Variants in PSPC1 observed in about 807,000 individuals in gnomAD.
PSPC1 encodes the protein paraspeckle protein 1.
PSPC1 carries 14 observed loss-of-function variants against 51.6 expected under a neutral mutation model. The observed-to-expected ratio is 0.27, with a 90% CI of 0.18 to 0.42. The LOEUF (loss-of-function observed/expected upper bound fraction) is 0.42, where lower values mean the gene tolerates loss of function less well. Among genes scored for constraint, PSPC1 ranks in the 10% least tolerant of loss-of-function variants. PSPC1 has a pLI of 1.00. For missense variants in PSPC1, 406 were observed against 701.1 expected, an observed-to-expected ratio of 0.58 and a Z score of 4.75; for synonymous variants, 193 against 231.9, an observed-to-expected ratio of 0.83 and a Z score of 1.53.
At chr13:19,693,807 C>T (rs1197324936) in intron 6 of PSPC1, among the ~76,000 whole-genome samples, 1 of 152,100 alleles carries the variant, frequency 6.6e-6, no homozygotes, top group Non-Finnish European at 1.5e-5. Context: ...ATTAATCTCA[C>T]ACTGACACTT....
chr13:19,756,905 G>A (rs963354116), intron 3 of PSPC1, among the ~76,000 whole-genome samples: 12 of 151,924 alleles, frequency 7.9e-5, no homozygotes, highest in East Asian at 2.0e-4. Flanking sequence ...CAAGGCAGGC[G>A]GATCACAAGG....
intron 6 of PSPC1, among the ~76,000 whole-genome samples, chr13:19,711,657 A>AG (rs1365055799): frequency 6.0e-5 from 9 of 150,062 alleles, no homozygotes; most frequent in African/African-American, 1.2e-4. Context: ...AAAAAAAAAA[A>AG]AAAAGAAACC....
downstream of PSPC1, chr13:19,672,011 G>A (rs1876158066): frequency 1.2e-6 from 1 of 857,084 alleles, no homozygotes; most frequent in Non-Finnish European, 1.9e-6. Flanking sequence ...GTTGTCTGTT[G>A]TAGTCTGTAA....
chr13:19,677,406 G>T (rs1369563133), intron 7 of PSPC1, among the ~76,000 whole-genome samples: 1 of 151,814 alleles, frequency 6.6e-6, no homozygotes, highest in Non-Finnish European at 1.5e-5. Flanking sequence ...TCCCCTCTTA[G>T]TCCAGTTTTA....
At chr13:19,746,755 AT>A (rs1426214470) in intron 4 of PSPC1, among the ~76,000 whole-genome samples, 4 of 152,180 alleles carry the variant, frequency 2.6e-5, no homozygotes, top group Non-Finnish European at 5.9e-5. Context: ...GGACTAAATA[AT>A]TATCAGTAAA....
chr13:19,694,650 T>G (rs1478128656), intron 6 of PSPC1, among the ~76,000 whole-genome samples: 1 of 152,212 alleles, frequency 6.6e-6, no homozygotes, highest in Non-Finnish European at 1.5e-5. Flanking sequence ...TGCTTAATAT[T>G]CTATCAATAA....
At chr13:19,727,049 T>C (rs1366735328) in intron 6 of PSPC1, among the ~76,000 whole-genome samples, 1 of 152,238 alleles carries the variant, frequency 6.6e-6, no homozygotes, top group Admixed American at 6.5e-5. Context: ...TATGAAGAAT[T>C]ATTCTTTTCT....
At chr13:19,780,272 G>A (rs1425463086) in intron 1 of PSPC1, among the ~76,000 whole-genome samples, 36 of 140,444 alleles carry the variant, frequency 2.6e-4, no homozygotes, top group South Asian at 7.2e-4. Flanking sequence ...TGGGAAGTGA[G>A]GAGCCCCTCT....
chr13:19,701,988 T>C (rs867879772), downstream of PSPC1, among the ~76,000 whole-genome samples: 3 of 152,216 alleles, frequency 2.0e-5, 1 homozygote, highest in Non-Finnish European at 4.4e-5. Context: ...CTCCCTAGTA[T>C]TGAAAATCAA....
intron 4 of PSPC1, among the ~76,000 whole-genome samples, chr13:19,746,038 G>C (rs1885944250): frequency 7.1e-6 from 1 of 140,844 alleles, no homozygotes; most frequent in African/African-American, 2.6e-5. Flanking sequence ...ACGGAGTCTC[G>C]CTCTGTCGCC....
chr13:19,705,363 C>T (rs150347064), intron 8 of PSPC1, among the ~76,000 whole-genome samples: 933 of 152,220 alleles, frequency 6.1e-3, no homozygotes, highest in Non-Finnish European at 9.3e-3. Flanking sequence ...CGTGGTGGCG[C>T]ACGCCTGTAG....
intron 4 of PSPC1, among the ~76,000 whole-genome samples, chr13:19,745,489 G>A (rs867772346): frequency 1.1e-4 from 17 of 152,114 alleles, no homozygotes; most frequent in Middle Eastern, 6.8e-3. Context: ...ATTTAAAATT[G>A]CACAAGTCAT....
At chr13:19,673,549 A>G (rs1276779113), downstream of PSPC1, 4 of 181,946 alleles carry the variant, frequency 2.2e-5, no homozygotes, top group Non-Finnish European at 4.6e-5. Context: ...ACTAAATTGA[A>G]TCATGTAGTA....
intron 4 of PSPC1, among the ~76,000 whole-genome samples, chr13:19,744,581 T>C (rs1885766028): frequency 6.6e-6 from 1 of 151,942 alleles, no homozygotes; most frequent in African/African-American, 2.4e-5. Flanking sequence ...TTTCTTTTTT[T>C]TGAGACAGAG....
chr13:19,771,373 G>A (rs1281415748), intron 2 of PSPC1, among the ~76,000 whole-genome samples: 2 of 152,084 alleles, frequency 1.3e-5, no homozygotes, highest in African/African-American at 4.8e-5. Context: ...CCTGAGCTCA[G>A]GCAATCCACC....
chr13:19,719,503 C>A lies in PSPC1; in HGVS notation c.1159-9904G>T, dbSNP rs373807238. Among the ~76,000 whole-genome samples the A allele has an allele frequency of 1.5e-4, 23 of 152,016 alleles. No homozygotes were observed. The East Asian group carries it at 1.9e-3, about 13-fold the overall frequency. On this transcript the variant is annotated intron_variant, in intron 6 of 8. Coordinates refer to ENST00000338910, the MANE Select transcript of PSPC1 (RefSeq NM_001354909.2). ...TAATTTATACTGCAAGGTTTAGTCA[C>A]GAAACAAAAAGTAGTTGTTACTTGT...
rs1890122483 is a variant in PSPC1 at position 19,782,822 on chromosome 13, T to C, written c.-65A>G. On this transcript the variant is annotated 5_prime_UTR_variant, in exon 1 of 9. Coordinates refer to ENST00000338910, the MANE Select transcript of PSPC1 (RefSeq NM_001354909.2). The surrounding 1 kb of genome is among the most constrained non-coding windows in gnomAD (Gnocchi z 4.5). ...TTTATAGACAGTGTGTCTATATATA[T>C]GTATACGTCTCTACATAAACCTATG... The C allele has an allele frequency of 2.8e-6, 4 of 1,436,676 alleles. No individual in the cohort carries two copies. Among genetic ancestry groups the C allele is most frequent in the Admixed American group, 2.8e-5 (1 of 35,812 alleles). 89.0% of individuals were successfully genotyped at this position (1,436,676 alleles called of 1,614,324 possible).
rs143640424 is a variant in PSPC1, at chr13:19,733,491, T to A, written c.1053-3147A>T. On this transcript the variant is annotated intron_variant, in intron 5 of 8. Coordinates refer to ENST00000338910, the MANE Select transcript of PSPC1 (RefSeq NM_001354909.2). Reference sequence around the variant, plus strand: ...AAATATTAGCCACGGCCATGCACAGTGACTCATGTCTGTAATCCTAGCACT... The same window carrying A: ...AAATATTAGCCACGGCCATGCACAGAGACTCATGTCTGTAATCCTAGCACT... Among the ~76,000 whole-genome samples the A allele has an allele frequency of 2.7e-3, 414 of 152,182 alleles. 1 individual carries two copies. Among genetic ancestry groups the A allele is most frequent in the African/African-American group, 7.8e-3 (324 of 41,522 alleles).
chr13:19,736,440 T>A (rs149176837), intron 5 of PSPC1, among the ~76,000 whole-genome samples: 2 of 151,956 alleles, frequency 1.3e-5, no homozygotes, highest in African/African-American at 4.8e-5. Context: ...TCCCAGCACT[T>A]TGGGAGGCCG....
Sources: gnomAD v4.1 joint callset for allele counts (sites outside exome capture counted in the v4.1 genomes callset) on GRCh38, gnomAD v4.1.1 for gene constraint, Gnocchi (gnomAD v3.1) non-coding constraint, MANE v1.5 for transcripts, NCBI Gene and HGNC (gene_info 2026-07-23, HGNC 2026-07-21) for gene names.